The following CAMTA1 variants were observed in gnomAD, a reference collection of about 807,000 sequenced individuals.
CAMTA1 encodes calmodulin binding transcription activator 1, also known as calmodulin-binding transcription activator 1.
CAMTA1 carries 27 observed loss-of-function variants against 170.9 expected under a neutral mutation model. The observed-to-expected ratio is 0.16, with a 90% CI of 0.12 to 0.22. CAMTA1 has a LOEUF of 0.22. Among genes scored for constraint, CAMTA1 ranks in the 10% least tolerant of loss-of-function variants. The probability of loss-of-function intolerance (pLI) is 1.00; values close to 1 mark genes in which losing one functional copy is unlikely to be tolerated. For missense variants in CAMTA1, 1,619 were observed against 2,217.2 expected, an observed-to-expected ratio of 0.73 and a Z score of 5.42; for synonymous variants, 833 against 891.5, an observed-to-expected ratio of 0.93 and a Z score of 1.17.
chr1:7,663,157 C>G (rs557194728), intron 8 of CAMTA1, among the ~76,000 whole-genome samples, 196 bp from the exon 9 acceptor site: 1 of 152,218 alleles, frequency 6.6e-6, no homozygotes, highest in Non-Finnish European at 1.5e-5. Flanking sequence ...GGACGGCCCC[C>G]GGGCTTGGGG....
At chr1:6,792,980 A>G (rs898386334) in intron 1 of CAMTA1, among the ~76,000 whole-genome samples, 1 of 152,058 alleles carries the variant, frequency 6.6e-6, no homozygotes, top group African/African-American at 2.4e-5. Flanking sequence ...CTAAGTGGCA[A>G]AGGTCTCACC....
chr1:7,245,732 TC>T (rs909783296), intron 4 of CAMTA1, among the ~76,000 whole-genome samples: 2 of 150,738 alleles, frequency 1.3e-5, no homozygotes, highest in African/African-American at 4.9e-5. Flanking sequence ...TCGGAAGGTT[TC>T]CCTGTGGCTG....
At chr1:7,467,649 C>T (rs542360222) in intron 5 of CAMTA1, among the ~76,000 whole-genome samples, 181 bp from the exon 6 acceptor site, 16 of 152,262 alleles carry the variant, frequency 1.1e-4, no homozygotes, top group South Asian at 4.1e-4. Context: ...CACGGGGCTT[C>T]GTAGGTGCTG....
At chr1:7,275,478 ATC>A (rs1207350513) in intron 5 of CAMTA1, among the ~76,000 whole-genome samples, 5 of 152,182 alleles carry the variant, frequency 3.3e-5, no homozygotes, top group South Asian at 4.1e-4. Flanking sequence ...ACAAAAAGCT[ATC>A]TCTCTTCAAA....
intron 4 of CAMTA1, among the ~76,000 whole-genome samples, chr1:7,192,866 G>C (rs1654808152): frequency 1.3e-5 from 2 of 152,206 alleles, no homozygotes; most frequent in African/African-American, 4.8e-5. Context: ...ACTGGAGGAT[G>C]ATCTGTCTCA....
chr1:6,904,326 AGCCCTG>A (rs1184940688), intron 3 of CAMTA1, among the ~76,000 whole-genome samples: 1 of 152,158 alleles, frequency 6.6e-6, no homozygotes, highest in East Asian at 1.9e-4. Context: ...TCTCTCCCTC[AGCCCTG>A]GGACACCGTC....
chr1:6,808,810 T>G (rs901585510), intron 1 of CAMTA1, among the ~76,000 whole-genome samples: 2 of 151,946 alleles, frequency 1.3e-5, no homozygotes, highest in Non-Finnish European at 2.9e-5. Context: ...GTCTGTAGAA[T>G]TGGGGTGAGG....
intron 4 of CAMTA1, among the ~76,000 whole-genome samples, chr1:7,101,966 A>C (rs1642772435): frequency 6.6e-6 from 1 of 152,058 alleles, no homozygotes; most frequent in Non-Finnish European, 1.5e-5. Flanking sequence ...TAATGCATGC[A>C]TGCAGCACAG....
intron 3 of CAMTA1, among the ~76,000 whole-genome samples, chr1:6,979,634 A>G (rs1327615534): frequency 6.6e-6 from 1 of 152,240 alleles, no homozygotes; most frequent in East Asian, 1.9e-4. Flanking sequence ...ATTTTAGTGT[A>G]GGACCATTAC....
chr1:6,880,313 G>C (rs1671145575), intron 3 of CAMTA1, among the ~76,000 whole-genome samples: 1 of 148,042 alleles, frequency 6.8e-6, no homozygotes, highest in Non-Finnish European at 1.5e-5. Context: ...GGCCTCAAAT[G>C]ATCCTCCTGT....
At chr1:7,467,948 A>G in intron 6 of CAMTA1, 47 bp downstream of exon 6, 2 of 1,538,436 alleles carry the variant, frequency 1.3e-6, no homozygotes, top group South Asian at 1.1e-5. Flanking sequence ...GTGCTCGGGA[A>G]GGGTCTGTGG....
At chr1:7,355,251 G>A (rs1254614819) in intron 5 of CAMTA1, among the ~76,000 whole-genome samples, 6 of 150,968 alleles carry the variant, frequency 4.0e-5, no homozygotes, top group African/African-American at 1.5e-4. Context: ...AGGCATTGTG[G>A]TGTGCACCTG....
At chr1:7,004,970 C>T (rs1698770154) in intron 3 of CAMTA1, among the ~76,000 whole-genome samples, 1 of 152,194 alleles carries the variant, frequency 6.6e-6, no homozygotes, top group East Asian at 1.9e-4. Flanking sequence ...CGGGGTTTCA[C>T]TATGTTGGCC....
At chr1:7,555,242 A>G (rs971226815) in intron 6 of CAMTA1, among the ~76,000 whole-genome samples, 1 of 152,122 alleles carries the variant, frequency 6.6e-6, no homozygotes, top group Non-Finnish European at 1.5e-5. Context: ...GCTTCGATTG[A>G]CAGAAAGCTC....
intron 3 of CAMTA1, among the ~76,000 whole-genome samples, chr1:6,919,283 C>G (rs1032357001): frequency 3.3e-5 from 5 of 152,130 alleles, no homozygotes; most frequent in African/African-American, 1.2e-4. Flanking sequence ...CCTGCTGGGC[C>G]TGGCTGGAGG....
At chr1:7,666,167 T>TAAAAAA (rs573817014) in intron 9 of CAMTA1, among the ~76,000 whole-genome samples, 1 of 142,528 alleles carries the variant, frequency 7.0e-6, no homozygotes, top group Non-Finnish European at 1.5e-5. Flanking sequence ...GAAACTGTCT[T>TAAAAAA]AAAAAAAAAA....
intron 6 of CAMTA1, among the ~76,000 whole-genome samples, chr1:7,596,407 C>A (rs935905081): frequency 1.8e-4 from 27 of 152,346 alleles, no homozygotes; most frequent in African/African-American, 5.8e-4. Context: ...GGCCCCGAAT[C>A]TGCCCAGCAT....
intron 5 of CAMTA1, among the ~76,000 whole-genome samples, chr1:7,462,030 G>A (rs1472753612): frequency 2.6e-5 from 4 of 152,248 alleles, no homozygotes; most frequent in African/African-American, 9.6e-5. Flanking sequence ...TTTAAAATTG[G>A]GAATTTTTTG....
At chr1:7,712,849 TA>T (rs56864289) in intron 11 of CAMTA1, among the ~76,000 whole-genome samples, 147,723 of 152,266 alleles carry the variant, frequency 0.97, 71,805 homozygotes, top group East Asian at 1. Context: ...AGGCACGTCT[TA>T]ACATGGCAGC....
Sources: gnomAD v4.1 joint callset for allele counts (sites outside exome capture counted in the v4.1 genomes callset) on GRCh38, gnomAD v4.1.1 for gene constraint, MANE v1.5 for transcripts, NCBI Gene and HGNC (gene_info 2026-07-23, HGNC 2026-07-21) for gene names.